Variants in LAMA2 observed in about 807,000 individuals in gnomAD.
LAMA2 encodes laminin subunit alpha 2.
Under a neutral mutation model 364.8 loss-of-function variants are expected in LAMA2, and 269 were observed. That is an observed-to-expected ratio of 0.74 (90% CI 0.67 to 0.82). The LOEUF (loss-of-function observed/expected upper bound fraction) is 0.82. Among genes scored for constraint, LAMA2 ranks in the 40% least tolerant of loss-of-function variants. The probability of loss-of-function intolerance (pLI) is 0.00; values close to 1 mark genes in which losing one functional copy is unlikely to be tolerated. For synonymous variants in LAMA2, 1,379 were observed against 1,370.6 expected (o/e 1.01, Z -0.14); for missense variants, 3,807 against 3,873.2 (o/e 0.98, Z 0.45).
At chr6:129,432,200 A>G (rs1479319346) in intron 41 of LAMA2, among the ~76,000 whole-genome samples, 2 of 152,322 alleles carry the variant, frequency 1.3e-5, no homozygotes, top group East Asian at 1.9e-4. Flanking sequence ...AGTCTTTTCC[A>G]GGTGAAATTG....
rs745663593 is a variant in LAMA2 at position 129,393,081 on chromosome 6, G to A, written c.5271G>A (p.Leu1757=). 1.9e-6 allele frequency: 3 copies of A among 1,613,980 alleles called. No individual in the cohort carries two copies. The highest frequency in any genetic ancestry group is 2.5e-6 in the Non-Finnish European group (3 of 1,179,952). Residue 1757 remains leucine, a synonymous_variant, in exon 37 of 65, where the codon CTG becomes CTA. Transcript: ENST00000421865. ...AEALLKKVKK[L]FGESRGENEE... is the part of the protein sequence containing the mutation. ...CCCTTCTGAAAAAAGTGAAGAAGCTGTTTGGAGAGTCCCGGGGGGAAAATG... is the reference window on the plus strand; with the variant it reads ...CCCTTCTGAAAAAAGTGAAGAAGCTATTTGGAGAGTCCCGGGGGGAAAATG...
At chr6:129,212,481 G>A (rs1057431522) in intron 12 of LAMA2, among the ~76,000 whole-genome samples, 3 of 152,036 alleles carry the variant, frequency 2.0e-5, no homozygotes, top group African/African-American at 7.2e-5. Context: ...TCCATGGAAT[G>A]GAATGTGGAA....
chr6:128,929,000 A>C (rs1779271425), intron 1 of LAMA2: 1 of 1,276,818 alleles, frequency 7.8e-7, no homozygotes, highest in Middle Eastern at 2.6e-4. Context: ...GAGCAGAAGG[A>C]GTTAGATGAA....
intron 1 of LAMA2, among the ~76,000 whole-genome samples, chr6:128,908,158 T>C (rs570415465): frequency 4.0e-5 from 6 of 150,140 alleles, no homozygotes; most frequent in Non-Finnish European, 8.9e-5. Flanking sequence ...ATAAAATGAG[T>C]TAGGGAGGAT....
chr6:129,104,494 T>G (rs1367721826), intron 4 of LAMA2, among the ~76,000 whole-genome samples: 2 of 152,198 alleles, frequency 1.3e-5, no homozygotes, highest in Admixed American at 6.5e-5. Flanking sequence ...GTCTAAAGAA[T>G]TTTTGAGACA....
chr6:129,506,110 T>C, intron 61 of LAMA2, among the ~76,000 whole-genome samples: 1 of 152,050 alleles, frequency 6.6e-6, no homozygotes, highest in Non-Finnish European at 1.5e-5. Context: ...CCCAGCACTT[T>C]GGGAGGCCAA....
intron 48 of LAMA2, among the ~76,000 whole-genome samples, chr6:129,457,113 A>G (rs1783007980): frequency 6.6e-6 from 1 of 152,116 alleles, no homozygotes; most frequent in African/African-American, 2.4e-5. Context: ...AGCACAACCA[A>G]ATATAATGGA....
chr6:129,452,687 A>T (rs1166879054), intron 45 of LAMA2, among the ~76,000 whole-genome samples: 1 of 152,192 alleles, frequency 6.6e-6, no homozygotes, highest in East Asian at 1.9e-4. Context: ...AAACGTTCCC[A>T]TATTGATAAT....
At chr6:129,079,545 C>A (rs1773899232) in intron 3 of LAMA2, among the ~76,000 whole-genome samples, 1 of 147,160 alleles carries the variant, frequency 6.8e-6, no homozygotes, top group Non-Finnish European at 1.5e-5. Context: ...GCCAACACTT[C>A]TTTTTCTGTT....
intron 1 of LAMA2, among the ~76,000 whole-genome samples, chr6:128,911,200 T>G (rs944374234): frequency 2.0e-4 from 30 of 152,132 alleles, no homozygotes; most frequent in East Asian, 1.9e-4. Context: ...GTTTACCTAA[T>G]CAAGCCTGGG....
intron 34 of LAMA2, among the ~76,000 whole-genome samples, chr6:129,379,395 A>T (rs1229882086): frequency 1.3e-5 from 2 of 152,236 alleles, no homozygotes; most frequent in Middle Eastern, 3.4e-3. Flanking sequence ...AAGTTAAAAA[A>T]ATATAAAAAA....
At chr6:129,098,951 A>C (rs1042814782) in intron 4 of LAMA2, among the ~76,000 whole-genome samples, 7 of 152,280 alleles carry the variant, frequency 4.6e-5, no homozygotes, top group African/African-American at 1.4e-4. Flanking sequence ...TTAGGTTCTC[A>C]GTGATGTGCA....
rs773934052 is a variant in LAMA2, at chr6:129,146,978, A to G, written c.839A>G (p.Asp280Gly). The G allele has an allele frequency of 2.4e-5, 38 of 1,610,782 alleles. No homozygotes were observed. Among genetic ancestry groups the G allele is most frequent in the Non-Finnish European group, 3.2e-5 (38 of 1,177,260 alleles). Reference protein sequence around the residue: ...VTRRYYYSVKDISVGGMCICY... With the variant: ...VTRRYYYSVKGISVGGMCICY... ...TTGCAGTATTACTACTCGGTCAAGG[A>G]TATTTCAGTTGGAGGGATGTGCATC... Residue 280 changes from aspartate (D) to glycine (G), a missense_variant, in exon 6 of 65, where the codon GAT (aspartate) becomes GGT (glycine). Around this residue, in one of 3 missense-constraint regions of LAMA2, gnomAD observed 394 missense variants for 403.5 expected, o/e 0.98. Coordinates refer to ENST00000421865, the MANE Select transcript of LAMA2 (RefSeq NM_000426.4).
chr6:129,161,954 A>G (rs889215982), intron 8 of LAMA2, among the ~76,000 whole-genome samples: 5 of 152,190 alleles, frequency 3.3e-5, no homozygotes, highest in African/African-American at 4.8e-5. Flanking sequence ...TAGGGCTGCA[A>G]TGAACATAGG....
intron 1 of LAMA2, among the ~76,000 whole-genome samples, chr6:128,974,117 C>T (rs1320919632): frequency 6.6e-6 from 1 of 152,186 alleles, no homozygotes; most frequent in Non-Finnish European, 1.5e-5. Flanking sequence ...GCATGCTGTG[C>T]ACAGTATGCT....
At chr6:129,158,712 T>A (rs1562285222) in intron 8 of LAMA2, 10 of 1,614,038 alleles carry the variant, frequency 6.2e-6, no homozygotes, top group East Asian at 4.5e-5. Flanking sequence ...AGGGGGCATG[T>A]GGGTTGCAAA....
At chr6:129,330,603 T>TTTG (rs1775585872) in intron 29 of LAMA2, among the ~76,000 whole-genome samples, 2 of 148,794 alleles carry the variant, frequency 1.3e-5, no homozygotes, top group Admixed American at 6.7e-5. Flanking sequence ...TTTTTGTTTT[T>TTTG]TTTTTTTTTT....
chr6:129,316,030 G>C lies in LAMA2; in HGVS notation c.3925-8G>C. ...TTTTGTCATAGTGATTTCTCTTCTT[G>C]TTAACAGAAAGAATGGAAATATTAT... On this transcript the variant is annotated splice_region_variant and splice_polypyrimidine_tract_variant and intron_variant, in intron 26 of 64. Transcript: ENST00000421865. 3.1e-6 allele frequency: 5 copies of C among 1,614,022 alleles called. No individual in the cohort carries two copies. The highest frequency in any genetic ancestry group is 1.3e-5 in the African/African-American group (1 of 75,006).
intron 4 of LAMA2, among the ~76,000 whole-genome samples, chr6:129,132,318 C>A (rs569119238): frequency 1.3e-5 from 2 of 152,134 alleles, no homozygotes; most frequent in Non-Finnish European, 2.9e-5. Context: ...AGGCGCCCGC[C>A]ACCACGCCTG....
Sources: allele counts gnomAD v4.1 joint callset (sites outside exome capture counted in the v4.1 genomes callset), GRCh38; gene constraint gnomAD v4.1.1; regional missense constraint gnomAD v4.1.1; transcripts MANE v1.5; gene names NCBI Gene and HGNC (gene_info 2026-07-23, HGNC 2026-07-21).